ERG: variants seen among roughly 807,000 people sequenced by gnomAD.
ERG encodes the protein transcriptional regulator ERG.
In ERG, 9 loss-of-function variants were observed where a neutral mutation model predicts 55.3. That is an observed-to-expected ratio of 0.16 (90% CI 0.10 to 0.28). The LOEUF is 0.28. Among genes scored for constraint, ERG ranks in the 10% least tolerant of loss-of-function variants. The probability of loss-of-function intolerance (pLI) is 1.00; values close to 1 mark genes in which losing one functional copy is unlikely to be tolerated. For synonymous variants in ERG, 223 were observed against 237.3 expected, an observed-to-expected ratio of 0.94 and a Z score of 0.55; for missense variants, 434 against 631.6, an observed-to-expected ratio of 0.69 and a Z score of 3.35.
rs573512790 is a variant in ERG, at chr21:38,479,943, C to T, written c.18+18420G>A. Among the ~76,000 whole-genome samples the T allele has an allele frequency of 6.1e-4, 93 of 152,308 alleles. 4 individuals are homozygous for T. In the South Asian group the frequency reaches 0.019, roughly 31 times the overall value. On this transcript the variant is annotated intron_variant, in intron 1 of 9. Transcript: ENST00000288319. ...TTCACCTTTTCACTGAAAGAAAGCA[C>T]TTTACGGCTTCTCTTTAACATACCC...
chr21:38,451,166 G>A (rs745766458), intron 1 of ERG: 1 of 501,140 alleles, frequency 2.0e-6, no homozygotes, highest in African/African-American at 1.9e-5. Context: ...ACAGAAGAAA[G>A]ATGAAGGGAT....
chr21:38,548,657 C>T (rs542672888), intron 2 of ERG, among the ~76,000 whole-genome samples: 152 of 136,908 alleles, frequency 1.1e-3, no homozygotes, highest in African/African-American at 3.8e-3. Flanking sequence ...GTAAAGACCA[C>T]GTTTGACCGT....
At chr21:38,392,175 T>C (rs1988002429) in intron 7 of ERG, 1 of 674,902 alleles carries the variant, frequency 1.5e-6, no homozygotes, top group African/African-American at 1.8e-5. Context: ...CATTCCTTTA[T>C]TTTTGTTATG....
chr21:38,582,707 A>C (rs1203406044), intron 1 of ERG, among the ~76,000 whole-genome samples: 2 of 152,252 alleles, frequency 1.3e-5, no homozygotes, highest in Admixed American at 1.3e-4. Context: ...AAGAAAGTAA[A>C]AATATTTCAA....
At chr21:38,420,304 G>C (rs760568841) in intron 3 of ERG, among the ~76,000 whole-genome samples, 1 of 40,086 alleles carries the variant, frequency 2.5e-5, no homozygotes, top group Non-Finnish European at 4.7e-5. Context: ...GTGTGTGTGC[G>C]TGTGTGTGTG....
At chr21:38,505,325 T>G (rs907237198) in intron 2 of ERG, among the ~76,000 whole-genome samples, 4 of 152,160 alleles carry the variant, frequency 2.6e-5, no homozygotes, top group Non-Finnish European at 5.9e-5. Flanking sequence ...CCTCTCCACC[T>G]GAGCCCTCCT....
At chr21:38,397,596 CAAAAA>C (rs61047146) in intron 6 of ERG, among the ~76,000 whole-genome samples, 1 of 67,162 alleles carries the variant, frequency 1.5e-5, no homozygotes, top group Non-Finnish European at 2.6e-5. Context: ...GACTCCATCT[CAAAAA>C]AAAAAAAAAA....
At chr21:38,623,321 C>CCACA (rs5843921) in intron 1 of ERG, among the ~76,000 whole-genome samples, 5 of 148,246 alleles carry the variant, frequency 3.4e-5, no homozygotes, top group Admixed American at 6.7e-5. Flanking sequence ...CACATACGCA[C>CCACA]CACACACACA....
At position 38,462,661 on chromosome 21, in the gene ERG, T is replaced by C. The variant is rs148830966; in HGVS notation, c.19-17040A>G. ...TTGAGCCTTCCAAGACTGCACATGG[T>C]GATATGTTAAATTTGGAATTTATGC... On this transcript the variant is annotated intron_variant, in intron 1 of 9. Coordinates refer to ENST00000288319, the MANE Select transcript of ERG (RefSeq NM_182918.4). Among the ~76,000 whole-genome samples the C allele has an allele frequency of 2.2e-3, 341 of 152,238 alleles. 3 individuals carry two copies. The highest frequency in any genetic ancestry group is 0.015 in the South Asian group (74 of 4,818).
intron 2 of ERG, among the ~76,000 whole-genome samples, chr21:38,433,137 T>C (rs1990295839): frequency 6.6e-6 from 1 of 152,224 alleles, no homozygotes; most frequent in African/African-American, 2.4e-5. Context: ...AAGCGTTCTA[T>C]GCTTCTCCCC....
At chr21:38,432,911 T>G (rs954643773) in intron 2 of ERG, among the ~76,000 whole-genome samples, 6 of 152,288 alleles carry the variant, frequency 3.9e-5, no homozygotes, top group African/African-American at 1.4e-4. Context: ...TCAGAAAACT[T>G]AATTTCATCA....
chr21:38,587,142 A>T (rs1424705481), upstream of ERG, among the ~76,000 whole-genome samples: 1 of 152,194 alleles, frequency 6.6e-6, no homozygotes, highest in African/African-American at 2.4e-5. Context: ...TCTAAACCAA[A>T]AATATTCATC....
Position 38,554,929 on chromosome 21 carries a change from G to A in ERG, c.-41+20733C>T, listed in dbSNP as rs114271039. On this transcript the variant is annotated intron_variant, in intron 2 of 8. Transcript: ENST00000398897. ...ATTAAAAATTAAACCATAAAACACA[G>A]AAAGAAAATACAGATGAATAGTTAT... is the stretch of plus-strand genomic sequence containing the variant. 7.8e-3 allele frequency among the ~76,000 whole-genome samples: 1,188 copies of A among 151,536 alleles called. 18 individuals carry two copies. Among genetic ancestry groups the A allele is most frequent in the African/African-American group, 0.027 (1,113 of 41,220 alleles).
intron 2 of ERG, among the ~76,000 whole-genome samples, chr21:38,531,287 T>A (rs1006829033): frequency 6.6e-6 from 1 of 152,226 alleles, no homozygotes; most frequent in Non-Finnish European, 1.5e-5. Context: ...ATCTGTAAGA[T>A]GCTTCATCTT....
chr21:38,462,549 T>C (rs2059053434), intron 1 of ERG, among the ~76,000 whole-genome samples: 1 of 152,224 alleles, frequency 6.6e-6, no homozygotes, highest in Non-Finnish European at 1.5e-5. Context: ...TTTCAGTAGC[T>C]AAGTGTCATA....
intron 1 of ERG, among the ~76,000 whole-genome samples, chr21:38,479,217 T>A (rs973141230): frequency 6.6e-6 from 1 of 152,214 alleles, no homozygotes; most frequent in Non-Finnish European, 1.5e-5. Flanking sequence ...TGTTTGCACA[T>A]AAATGATTTA....
Position 38,383,999 on chromosome 21 carries a change from AAGG to A in ERG, c.920-79_920-77del. ...GGAAAGAGGCTCTCTGTGATGACGG[AAGG>A]AGGTGCTATTGGTGTGCCGCCCACA... On this transcript the variant is annotated intron_variant, in intron 9 of 9. Coordinates refer to ENST00000288319, the MANE Select transcript of ERG (RefSeq NM_182918.4). The surrounding 1 kb of genome is among the most constrained non-coding windows in gnomAD (Gnocchi z 5.7). 2 of 1,527,082 alleles carry A rather than the reference AAGG, an allele frequency of 1.3e-6. No homozygotes were observed. The highest frequency in any genetic ancestry group is 1.8e-6 in the Non-Finnish European group (2 of 1,142,440). The allele number at this position is 1,527,082 out of a possible 1,614,324, so 94.6% of individuals were successfully genotyped here.
At chr21:38,654,189 T>C (rs2060504862) in intron 1 of ERG, among the ~76,000 whole-genome samples, 1 of 152,232 alleles carries the variant, frequency 6.6e-6, no homozygotes, top group African/African-American at 2.4e-5. Context: ...TATAAAATCC[T>C]TTTACTGGCT....
At chr21:38,425,417 G>A (rs907369865) in intron 2 of ERG, among the ~76,000 whole-genome samples, 10 of 151,854 alleles carry the variant, frequency 6.6e-5, no homozygotes, top group Non-Finnish European at 1.0e-4. Flanking sequence ...GAAAGAAAGA[G>A]AGAGAGAAAG....
Sources: allele counts gnomAD v4.1 joint callset (sites outside exome capture counted in the v4.1 genomes callset), GRCh38; gene constraint gnomAD v4.1.1; non-coding constraint Gnocchi (gnomAD v3.1); transcripts MANE v1.5; gene names NCBI Gene and HGNC (gene_info 2026-07-23, HGNC 2026-07-21).